CAAP1: variants seen among roughly 807,000 people sequenced by gnomAD.
CAAP1 encodes the protein conserved anti-apoptotic protein.
A neutral mutation model predicts 34.0 loss-of-function variants in CAAP1; 20 were observed. The ratio of observed to expected loss-of-function variants is 0.59; its 90% CI spans 0.41 to 0.86. The LOEUF is 0.86. Ranked by LOEUF, CAAP1 falls within the 40% of genes least tolerant of loss-of-function variation. The pLI is 0.00. For missense variants in CAAP1, 538 were observed against 450.5 expected (o/e 1.19, Z -1.76); for synonymous variants, 213 against 166.7 (o/e 1.28, Z -2.14).
At chr9:26,852,568 G>A (rs1822777912) in intron 5 of CAAP1, among the ~76,000 whole-genome samples, 1 of 152,128 alleles carries the variant, frequency 6.6e-6, no homozygotes, top group Non-Finnish European at 1.5e-5. Flanking sequence ...ACAGTAGTTT[G>A]ATGTAAATAA....
chr9:26,846,991 TTTC>T (rs902231557), intron 5 of CAAP1, among the ~76,000 whole-genome samples: 4 of 151,430 alleles, frequency 2.6e-5, no homozygotes, highest in African/African-American at 9.7e-5. Context: ...CCGGCCAATT[TTTC>T]TTCTTCTTTT....
intron 5 of CAAP1, among the ~76,000 whole-genome samples, chr9:26,845,102 T>C (rs1031682783): frequency 1.3e-5 from 2 of 152,218 alleles, no homozygotes; most frequent in African/African-American, 2.4e-5. Flanking sequence ...ACTGTCTTCT[T>C]ATCCTGTTTT....
At chr9:26,861,015 C>A in intron 5 of CAAP1, 51 bp downstream of exon 5, 1 of 1,271,254 alleles carries the variant, frequency 7.9e-7, no homozygotes, top group Non-Finnish European at 1.1e-6. Context: ...TGGTAAAATG[C>A]TTCTATTCTT....
intron 5 of CAAP1, among the ~76,000 whole-genome samples, chr9:26,846,204 G>A (rs751120492): frequency 3.3e-5 from 5 of 151,988 alleles, no homozygotes; most frequent in Non-Finnish European, 7.4e-5. Flanking sequence ...GGATCACAAG[G>A]TCAGGAGTTC....
At chr9:26,889,665 A>C (rs1164471502) in intron 1 of CAAP1, among the ~76,000 whole-genome samples, 1 of 151,682 alleles carries the variant, frequency 6.6e-6, no homozygotes, top group African/African-American at 2.4e-5. Flanking sequence ...CAGGAGATCT[A>C]GACTATCCTA....
chr9:26,862,822 G>C (rs1307889972), intron 4 of CAAP1, among the ~76,000 whole-genome samples: 4 of 151,990 alleles, frequency 2.6e-5, no homozygotes, highest in Non-Finnish European at 4.4e-5. Flanking sequence ...TTGATACTCT[G>C]TTATGGTTAC....
chr9:26,855,525 T>G (rs541685064), intron 5 of CAAP1, among the ~76,000 whole-genome samples: 1 of 151,902 alleles, frequency 6.6e-6, no homozygotes, highest in South Asian at 2.1e-4. Context: ...TGGGGAAGAG[T>G]TGGTAAGCAG....
chr9:26,852,676 G>C (rs1409710421), intron 5 of CAAP1, among the ~76,000 whole-genome samples: 1 of 152,140 alleles, frequency 6.6e-6, no homozygotes, highest in African/African-American at 2.4e-5. Flanking sequence ...CTGTGAAGTA[G>C]ACATGTGATA....
At chr9:26,878,126 C>A (rs1374185394) in intron 4 of CAAP1, among the ~76,000 whole-genome samples, 1 of 152,116 alleles carries the variant, frequency 6.6e-6, no homozygotes, top group African/African-American at 2.4e-5. Context: ...GATTAACTTA[C>A]AGAATTTAGT....
chr9:26,880,157 T>A (rs765346291), intron 4 of CAAP1: 2 of 238,410 alleles, frequency 8.4e-6, no homozygotes, highest in African/African-American at 4.7e-5. Flanking sequence ...CTTAAAAGGA[T>A]GTTCTCCACA....
intron 4 of CAAP1, 62 bp from the exon 5 acceptor site, chr9:26,861,201 C>T: frequency 1.6e-6 from 2 of 1,224,916 alleles, no homozygotes; most frequent in East Asian, 2.4e-5. Flanking sequence ...ATTTACTACC[C>T]AGGTTCCCAG....
At chr9:26,847,405 G>A (rs1170653195) in intron 5 of CAAP1, among the ~76,000 whole-genome samples, 2 of 151,204 alleles carry the variant, frequency 1.3e-5, no homozygotes, top group South Asian at 2.1e-4. Flanking sequence ...TGGTAGAGAC[G>A]GGGTTTCACC....
intron 2 of CAAP1, among the ~76,000 whole-genome samples, chr9:26,886,411 C>G (rs1478391790): frequency 6.6e-6 from 1 of 152,018 alleles, no homozygotes; most frequent in African/African-American, 2.4e-5. Context: ...CTTGTATTTA[C>G]TATCAAAGAA....
At chr9:26,886,657 T>TA (rs1166155196) in intron 2 of CAAP1, among the ~76,000 whole-genome samples, 3 of 152,194 alleles carry the variant, frequency 2.0e-5, no homozygotes, top group Non-Finnish European at 2.9e-5. Context: ...TATAAGCTAT[T>TA]ATTAACCATT....
intron 5 of CAAP1, among the ~76,000 whole-genome samples, chr9:26,844,803 T>G (rs189478005): frequency 6.6e-6 from 1 of 152,320 alleles, no homozygotes; most frequent in Non-Finnish European, 1.5e-5. Context: ...TTGTAATGCT[T>G]TTGTCTGTAA....
chr9:26,886,014 T>C (rs1823730149), intron 3 of CAAP1, 90 bp downstream of exon 3: 1 of 537,910 alleles, frequency 1.9e-6, no homozygotes, highest in Non-Finnish European at 3.2e-6. Context: ...TGAAATTAAA[T>C]ATCCAAGTAG....
At chr9:26,877,004 G>C (rs1823451311) in intron 4 of CAAP1, among the ~76,000 whole-genome samples, 1 of 152,076 alleles carries the variant, frequency 6.6e-6, no homozygotes, top group African/African-American at 2.4e-5. Context: ...AAATTTAAAA[G>C]TAAGCCAGGG....
chr9:26,854,475 G>A (rs1170156193), intron 5 of CAAP1, among the ~76,000 whole-genome samples: 2 of 151,560 alleles, frequency 1.3e-5, no homozygotes, highest in Non-Finnish European at 2.9e-5. Context: ...TTAGGATGCT[G>A]GGTTCAGCTG....
chr9:26,847,235 C>G (rs186316622), intron 5 of CAAP1, among the ~76,000 whole-genome samples: 3,931 of 25,262 alleles, frequency 0.16, 342 homozygotes, highest in African/African-American at 0.36. Context: ...TTTTTTTTGA[C>G]ACGGAGTCTT....
Sources: allele counts gnomAD v4.1 joint callset (sites outside exome capture counted in the v4.1 genomes callset), GRCh38; gene constraint gnomAD v4.1.1; transcripts MANE v1.5; gene names NCBI Gene and HGNC (gene_info 2026-07-23, HGNC 2026-07-21).